Variants in MTSS1 observed in about 807,000 individuals in gnomAD.
MTSS1 encodes the protein MTSS I-BAR domain containing 1.
A neutral mutation model predicts 79.0 loss-of-function variants in MTSS1; 18 were observed. The observed-to-expected ratio is 0.23, with a 90% CI of 0.16 to 0.34. The LOEUF (loss-of-function observed/expected upper bound fraction) is 0.34, where lower values mean the gene tolerates loss of function less well. MTSS1 is among the 10% of genes least tolerant of loss of function. MTSS1 has a pLI of 1.00. For missense variants in MTSS1, 815 were observed against 986.2 expected (o/e 0.83, Z 2.33); for synonymous variants, 341 against 368.6 (o/e 0.93, Z 0.86).
intron 3 of MTSS1, among the ~76,000 whole-genome samples, chr8:124,694,387 T>C (rs1828462867): frequency 6.6e-6 from 1 of 152,014 alleles, no homozygotes; most frequent in African/African-American, 2.4e-5. Context: ...GAAGTTTAGA[T>C]GGTAATACAT....
chr8:124,645,585 C>A (rs1225115079), intron 3 of MTSS1, among the ~76,000 whole-genome samples: 1 of 152,132 alleles, frequency 6.6e-6, no homozygotes, highest in Non-Finnish European at 1.5e-5. Context: ...TGGGGTATCA[C>A]AAGCTTAAAG....
intron 3 of MTSS1, among the ~76,000 whole-genome samples, chr8:124,644,829 G>GTAAA (rs1468129388): frequency 1.3e-5 from 2 of 152,090 alleles, no homozygotes; most frequent in African/African-American, 4.8e-5. Context: ...TTATGATTCA[G>GTAAA]TATAAGAGGG....
At chr8:124,691,433 C>T (rs1174276107) in intron 3 of MTSS1, among the ~76,000 whole-genome samples, 1 of 152,108 alleles carries the variant, frequency 6.6e-6, no homozygotes, top group African/African-American at 2.4e-5. Flanking sequence ...AAAAAGTGCT[C>T]AATATAAAAA....
At chr8:124,640,704 C>T (rs187876575) in intron 3 of MTSS1, among the ~76,000 whole-genome samples, 2,144 of 152,096 alleles carry the variant, frequency 0.014, 47 homozygotes, top group African/African-American at 0.049. Context: ...CCCCCATGCC[C>T]GGCTAATTTT....
rs534827106 is a variant in MTSS1 at position 124,706,126 on chromosome 8, G to GCACTCATTATAACAAGGAA, written c.73-1954_73-1936dup. On this transcript the variant is annotated intron_variant, in intron 1 of 13. Coordinates refer to ENST00000518547, the MANE Select transcript of MTSS1 (RefSeq NM_014751.6). ...TGCATAGCACTCATTATAACAAGGA[G>GCACTCATTATAACAAGGAA]CACTCATTATAACAAGGAACACCTT... Among the ~76,000 whole-genome samples the GCACTCATTATAACAAGGAA allele has an allele frequency of 9.5e-4, 144 of 152,256 alleles. 1 individual carries two copies. The highest frequency in any genetic ancestry group is 3.2e-3 in the African/African-American group (135 of 41,568).
At chr8:124,563,354 T>G in intron 9 of MTSS1, 1 of 286,704 alleles carries the variant, frequency 3.5e-6, no homozygotes, top group Non-Finnish European at 6.7e-6. Flanking sequence ...GGAGCTGATG[T>G]CAGTAGCAAG....
rs746468108 is a variant in MTSS1, at chr8:124,562,902, G to A, written c.915C>T (p.Asn305=). The change falls in exon 10 of 14, where the codon AAC becomes AAT. Residue 305 remains asparagine (N), a synonymous_variant. Coordinates refer to ENST00000518547, the MANE Select transcript of MTSS1 (RefSeq NM_014751.6). ...PSSHYRYRSS[N]LAQQAPVRLS... is the part of the protein sequence containing the mutation. ...GCCTCACAGGAGCCTGCTGGGCCAG[G>A]TTGGAGCTGCGGTAGCGGTAATGTG... The A allele has an allele frequency of 6.2e-7, 1 of 1,614,072 alleles. No homozygotes were observed. The highest frequency in any genetic ancestry group is 8.5e-7 in the Non-Finnish European group (1 of 1,179,968).
chr8:124,665,792 C>T (rs796474650), intron 3 of MTSS1, among the ~76,000 whole-genome samples: 23 of 150,660 alleles, frequency 1.5e-4, no homozygotes, highest in African/African-American at 4.7e-4. Context: ...ACTTGAACCC[C>T]GGAGGCGGAG....
chr8:124,640,408 G>A (rs1817809919), intron 3 of MTSS1, among the ~76,000 whole-genome samples: 1 of 152,206 alleles, frequency 6.6e-6, no homozygotes, highest in Non-Finnish European at 1.5e-5. Flanking sequence ...TCTTTAGAGT[G>A]GGGATCTGCT....
intron 8 of MTSS1, 134 bp from the exon 9 acceptor site, chr8:124,565,893 AT>A (rs1222777857): frequency 1.3e-5 from 7 of 546,796 alleles, no homozygotes; most frequent in Middle Eastern, 4.9e-4. Context: ...TGTTAAAAAA[AT>A]TTTTTTTAAA....
At chr8:124,708,975 G>T (rs1207790728) in intron 1 of MTSS1, among the ~76,000 whole-genome samples, 1 of 151,488 alleles carries the variant, frequency 6.6e-6, no homozygotes, top group Non-Finnish European at 1.5e-5. Context: ...AAATTTAAAG[G>T]CAAAGTGATG....
intron 3 of MTSS1, among the ~76,000 whole-genome samples, chr8:124,621,806 C>T (rs1813570197): frequency 2.6e-5 from 4 of 152,210 alleles, no homozygotes; most frequent in Admixed American, 1.3e-4. Context: ...ACCTCAGCCT[C>T]CCAAGGTGCT....
chr8:124,561,726 G>C (rs571811736), intron 10 of MTSS1, among the ~76,000 whole-genome samples: 1 of 152,006 alleles, frequency 6.6e-6, no homozygotes, highest in African/African-American at 2.4e-5. Flanking sequence ...CCCTCCTCCC[G>C]ACCCTTTGCC....
At chr8:124,705,723 C>T (rs973524433) in intron 1 of MTSS1, among the ~76,000 whole-genome samples, 1 of 152,198 alleles carries the variant, frequency 6.6e-6, no homozygotes, top group Non-Finnish European at 1.5e-5. Context: ...AACAGTTTTA[C>T]CTTCCTAATG....
At chr8:124,563,156 C>T (rs1049272085) in intron 9 of MTSS1, among the ~76,000 whole-genome samples, 164 bp from the exon 10 acceptor site, 38 of 152,184 alleles carry the variant, frequency 2.5e-4, no homozygotes, top group African/African-American at 9.2e-4. Flanking sequence ...AACCACAAAA[C>T]ACGTTTTCAA....
chr8:124,620,394 A>C (rs1251121647), intron 3 of MTSS1, among the ~76,000 whole-genome samples: 1 of 152,230 alleles, frequency 6.6e-6, no homozygotes, highest in Non-Finnish European at 1.5e-5. Context: ...TCTAAGAGAA[A>C]TAGCTTTTGC....
At chr8:124,606,339 G>A (rs949796980) in intron 3 of MTSS1, among the ~76,000 whole-genome samples, 1 of 151,732 alleles carries the variant, frequency 6.6e-6, no homozygotes, top group African/African-American at 2.4e-5. Context: ...AGTAGAGACG[G>A]GGTTTCACCG....
intron 2 of MTSS1, among the ~76,000 whole-genome samples, chr8:124,702,132 A>T (rs1369097720): frequency 1.3e-5 from 2 of 152,196 alleles, no homozygotes; most frequent in African/African-American, 4.8e-5. Context: ...ATAAAAGGGG[A>T]AGATAACAAT....
At chr8:124,700,091 A>G (rs552823123) in intron 2 of MTSS1, among the ~76,000 whole-genome samples, 97 of 152,022 alleles carry the variant, frequency 6.4e-4, no homozygotes, top group Middle Eastern at 3.4e-3. Context: ...GTGAGCCAAG[A>G]TCGCACCACT....
Sources: allele counts gnomAD v4.1 joint callset (sites outside exome capture counted in the v4.1 genomes callset), GRCh38; gene constraint gnomAD v4.1.1; transcripts MANE v1.5; gene names NCBI Gene and HGNC (gene_info 2026-07-23, HGNC 2026-07-21).